Variants in NREP observed in about 807,000 individuals in gnomAD.
The protein encoded by NREP is neuronal regeneration related protein.
Under a neutral mutation model 8.6 loss-of-function variants are expected in NREP, and 5 were observed. The observed-to-expected ratio is 0.58, with a 90% CI of 0.30 to 1.22. NREP has a LOEUF of 1.22. Among genes scored for constraint, NREP ranks in the 50% most tolerant of loss-of-function variants. The pLI is 0.07. For missense variants in NREP, 86 were observed against 82.5 expected (o/e 1.04, Z -0.17); for synonymous variants, 27 against 28.0 (o/e 0.96, Z 0.11).
intron 2 of NREP, among the ~76,000 whole-genome samples, chr5:111,891,737 G>T (rs2112534398): frequency 6.6e-6 from 1 of 152,268 alleles, no homozygotes; most frequent in Non-Finnish European, 1.5e-5. Flanking sequence ...GTGGGAGCAG[G>T]AGCAAGAGGG....
At chr5:111,928,507 T>A (rs1755451126) in intron 2 of NREP, among the ~76,000 whole-genome samples, 1 of 152,170 alleles carries the variant, frequency 6.6e-6, no homozygotes, top group Non-Finnish European at 1.5e-5. Context: ...GACTTCTGAA[T>A]TCCAGTTTTA....
At chr5:111,741,449 G>A (rs1175801214) in intron 2 of NREP, among the ~76,000 whole-genome samples, 2 of 152,148 alleles carry the variant, frequency 1.3e-5, no homozygotes, top group Admixed American at 1.3e-4. Flanking sequence ...GTTCCCAGGT[G>A]TTACTGGTCA....
intron 2 of NREP, among the ~76,000 whole-genome samples, chr5:111,745,466 T>C (rs1749942847): frequency 6.6e-6 from 1 of 152,204 alleles, no homozygotes; most frequent in Non-Finnish European, 1.5e-5. Flanking sequence ...TATAAATATG[T>C]AGCATCATTG....
At chr5:111,898,515 A>G (rs544001266) in intron 2 of NREP, among the ~76,000 whole-genome samples, 2 of 152,244 alleles carry the variant, frequency 1.3e-5, no homozygotes, top group East Asian at 3.9e-4. Flanking sequence ...CTATCTAATG[A>G]TCTCCCAGTC....
At chr5:111,856,950 C>A (rs1242561799) in intron 2 of NREP, among the ~76,000 whole-genome samples, 1 of 152,072 alleles carries the variant, frequency 6.6e-6, no homozygotes, top group East Asian at 1.9e-4. Flanking sequence ...TTGATGCCAG[C>A]CCCAGTATGT....
intron 2 of NREP, among the ~76,000 whole-genome samples, chr5:111,935,748 T>C (rs925027032): frequency 6.6e-6 from 1 of 152,124 alleles, no homozygotes; most frequent in African/African-American, 2.4e-5. Context: ...CATCTTAGAA[T>C]AGAGGAATAC....
At chr5:111,746,265 G>A (rs1470170452) in intron 2 of NREP, among the ~76,000 whole-genome samples, 1 of 151,934 alleles carries the variant, frequency 6.6e-6, no homozygotes, top group African/African-American at 2.4e-5. Flanking sequence ...GGAAAAACAG[G>A]TTTAATAAAG....
chr5:111,923,388 T>C (rs1336284332), intron 2 of NREP, among the ~76,000 whole-genome samples: 1 of 152,206 alleles, frequency 6.6e-6, no homozygotes, highest in Non-Finnish European at 1.5e-5. Flanking sequence ...TGCATAGGTT[T>C]CTATTACAAC....
chr5:111,879,782 A>G (rs1340670566), intron 2 of NREP, among the ~76,000 whole-genome samples: 1 of 152,216 alleles, frequency 6.6e-6, no homozygotes, highest in Admixed American at 6.5e-5. Flanking sequence ...TGACTTGCAG[A>G]AAGCCAACTT....
intron 2 of NREP, among the ~76,000 whole-genome samples, chr5:111,931,731 A>C (rs1348240785): frequency 6.6e-6 from 1 of 152,188 alleles, no homozygotes; most frequent in Non-Finnish European, 1.5e-5. Flanking sequence ...AGGCATAGTA[A>C]TTGATAAAAT....
chr5:111,908,736 T>C (rs551116955), intron 2 of NREP, among the ~76,000 whole-genome samples: 9 of 152,114 alleles, frequency 5.9e-5, no homozygotes, highest in Non-Finnish European at 1.2e-4. Flanking sequence ...ACAATAAACA[T>C]ACACGTGAAT....
chr5:111,804,764 G>T (rs1299630703), intron 2 of NREP, among the ~76,000 whole-genome samples: 1 of 152,024 alleles, frequency 6.6e-6, no homozygotes, highest in Non-Finnish European at 1.5e-5. Context: ...CACTTTGGAA[G>T]GCCGAGGCGG....
chr5:111,856,827 C>CA (rs1475235898), intron 2 of NREP, among the ~76,000 whole-genome samples: 1 of 151,790 alleles, frequency 6.6e-6, no homozygotes, highest in Middle Eastern at 3.2e-3. Context: ...GCCCTCTTTT[C>CA]AGCTTCCTTT....
intron 2 of NREP, among the ~76,000 whole-genome samples, chr5:111,851,442 C>T (rs185786789): frequency 1.6e-4 from 24 of 152,166 alleles, no homozygotes; most frequent in African/African-American, 5.3e-4. Flanking sequence ...TTTATATATA[C>T]GTATGTGTGT....
chr5:111,810,491 A>G (rs1159489487), intron 2 of NREP, among the ~76,000 whole-genome samples: 1 of 152,208 alleles, frequency 6.6e-6, no homozygotes, highest in African/African-American at 2.4e-5. Flanking sequence ...GTACTATCAT[A>G]ATAATCACAT....
At chr5:111,928,039 T>G (rs943601010) in intron 2 of NREP, among the ~76,000 whole-genome samples, 2 of 151,992 alleles carry the variant, frequency 1.3e-5, no homozygotes, top group Admixed American at 1.3e-4. Flanking sequence ...CAAGGCAGAG[T>G]GAAGAGAAGG....
At chr5:111,778,541 C>T (rs1242768698) in intron 2 of NREP, among the ~76,000 whole-genome samples, 1 of 152,124 alleles carries the variant, frequency 6.6e-6, no homozygotes, top group African/African-American at 2.4e-5. Flanking sequence ...ATACATGAAG[C>T]TTTACATGGA....
At chr5:111,860,291 C>T (rs960490800) in intron 2 of NREP, among the ~76,000 whole-genome samples, 3 of 152,134 alleles carry the variant, frequency 2.0e-5, no homozygotes, top group African/African-American at 4.8e-5. Flanking sequence ...CTTTGATTGC[C>T]TCTTCCCGTT....
chr5:111,739,206 A>T (rs888728019), intron 2 of NREP: 24 of 152,218 alleles, frequency 1.6e-4, no homozygotes, highest in Non-Finnish European at 2.2e-4. Flanking sequence ...AACAAAACCA[A>T]CATTTAGCAT....
Sources: gnomAD v4.1 joint callset for allele counts (sites outside exome capture counted in the v4.1 genomes callset) on GRCh38, gnomAD v4.1.1 for gene constraint, MANE v1.5 for transcripts, NCBI Gene and HGNC (gene_info 2026-07-23, HGNC 2026-07-21) for gene names.